Variants in SNX29 observed in about 807,000 individuals in gnomAD.
The protein encoded by SNX29 is sorting nexin-29.
Under a neutral mutation model 102.1 loss-of-function variants are expected in SNX29, and 78 were observed. The ratio of observed to expected loss-of-function variants is 0.76; its 90% CI spans 0.64 to 0.92. The LOEUF (loss-of-function observed/expected upper bound fraction) is 0.92, where lower values mean the gene tolerates loss of function less well. Among genes scored for constraint, SNX29 ranks in the 40% least tolerant of loss-of-function variants. The probability of loss-of-function intolerance (pLI) is 0.00; values close to 1 mark genes in which losing one functional copy is unlikely to be tolerated. For missense variants in SNX29, 1,280 were observed against 1,061.7 expected, an observed-to-expected ratio of 1.21 and a Z score of -2.86; for synonymous variants, 580 against 414.5, an observed-to-expected ratio of 1.40 and a Z score of -4.85.
chr16:12,261,675 C>T (rs9928214), intron 14 of SNX29, among the ~76,000 whole-genome samples: 33,396 of 72,960 alleles, frequency 0.46, 9,712 homozygotes, highest in Non-Finnish European at 0.52. Flanking sequence ...CACGTGTCCC[C>T]GGCTGGAGTG....
intron 15 of SNX29, among the ~76,000 whole-genome samples, chr16:12,283,982 A>G (rs936741363): frequency 6.6e-6 from 1 of 152,252 alleles, no homozygotes; most frequent in Non-Finnish European, 1.5e-5. Flanking sequence ...CCAGAACAGA[A>G]ACAACCAAGG....
At chr16:12,354,237 CAG>C (rs1418200169) in intron 15 of SNX29, among the ~76,000 whole-genome samples, 1 of 152,182 alleles carries the variant, frequency 6.6e-6, no homozygotes, top group East Asian at 1.9e-4. Flanking sequence ...TATAAAAACT[CAG>C]AGTTTCAGAG....
At chr16:12,087,427 G>A (rs1216205818) in intron 11 of SNX29, 1 of 194,518 alleles carries the variant, frequency 5.1e-6, no homozygotes, top group Non-Finnish European at 1.1e-5. Context: ...AAAATAAACA[G>A]ATTAATAAAG....
chr16:12,360,685 C>G (rs747739062), intron 16 of SNX29, among the ~76,000 whole-genome samples: 1 of 150,784 alleles, frequency 6.6e-6, no homozygotes, highest in Non-Finnish European at 1.5e-5. Flanking sequence ...ATAGTGCAGT[C>G]CCTGACTGAG....
chr16:12,399,934 G>C (rs2083875847), intron 17 of SNX29, among the ~76,000 whole-genome samples: 1 of 152,124 alleles, frequency 6.6e-6, no homozygotes, highest in Non-Finnish European at 1.5e-5. Context: ...ACAGAGGGGA[G>C]TCCCAGACAC....
chr16:12,116,519 CA>C (rs2053708788), intron 11 of SNX29, among the ~76,000 whole-genome samples: 1 of 152,084 alleles, frequency 6.6e-6, no homozygotes, highest in Admixed American at 6.6e-5. Flanking sequence ...TTAAAAAATA[CA>C]AAAATTAGCC....
intron 20 of SNX29, among the ~76,000 whole-genome samples, chr16:12,531,213 C>G (rs903296831): frequency 9.2e-5 from 14 of 152,108 alleles, no homozygotes; most frequent in Non-Finnish European, 7.4e-5. Flanking sequence ...GCAGGGAGCC[C>G]CAAGTCATCC....
chr16:12,432,059 A>G (rs757668243), intron 18 of SNX29, among the ~76,000 whole-genome samples: 3 of 152,242 alleles, frequency 2.0e-5, no homozygotes, highest in East Asian at 3.8e-4. Context: ...TTATTCAGCA[A>G]TGAGTGCTGG....
chr16:12,440,865 C>T (rs955588496), intron 18 of SNX29, among the ~76,000 whole-genome samples: 7 of 152,114 alleles, frequency 4.6e-5, no homozygotes, highest in Admixed American at 3.9e-4. Context: ...GTGGATTCCA[C>T]GTCTTTGCTA....
chr16:12,569,431 C>T lies in SNX29; in HGVS notation c.*802C>T, dbSNP rs757377127. ...AGTAACCCGGCGTCATCCAGCGTGT[C>T]CAAAGTAGCATTGGCCCTACAGTCA... On this transcript the variant is annotated 3_prime_UTR_variant, in exon 21 of 21. Coordinates refer to ENST00000566228, the MANE Select transcript of SNX29 (RefSeq NM_032167.5). The T allele has an allele frequency of 4.3e-6, 1 of 230,768 alleles. No homozygotes were observed. Among genetic ancestry groups the T allele is most frequent in the Non-Finnish European group, 8.6e-6 (1 of 116,616 alleles). 14.3% of individuals were successfully genotyped at this position (230,768 alleles called of 1,614,324 possible).
chr16:12,221,261 G>C (rs1380241514), intron 14 of SNX29, among the ~76,000 whole-genome samples: 2 of 152,106 alleles, frequency 1.3e-5, no homozygotes, highest in East Asian at 3.9e-4. Flanking sequence ...GAAAGCCGGG[G>C]GTCACTATCT....
intron 13 of SNX29, among the ~76,000 whole-genome samples, chr16:12,163,742 G>A (rs974391689): frequency 6.6e-6 from 1 of 152,224 alleles, no homozygotes; most frequent in African/African-American, 2.4e-5. Flanking sequence ...CAGGGCTGAG[G>A]ACTGTTCCCT....
At chr16:12,202,567 G>T (rs1293479277) in intron 14 of SNX29, among the ~76,000 whole-genome samples, 1 of 152,170 alleles carries the variant, frequency 6.6e-6, no homozygotes, top group Non-Finnish European at 1.5e-5. Context: ...CCACTTCGTT[G>T]TAACTCTTAC....
intron 20 of SNX29, among the ~76,000 whole-genome samples, chr16:12,539,272 A>C (rs567356944): frequency 6.6e-6 from 1 of 152,040 alleles, no homozygotes; most frequent in African/African-American, 2.4e-5. Context: ...TTTCCTTTCT[A>C]GCTGCACCCT....
chr16:12,182,189 G>GT (rs67550670), intron 13 of SNX29, among the ~76,000 whole-genome samples: 23,089 of 121,838 alleles, frequency 0.19, 2,095 homozygotes, highest in East Asian at 0.27. Context: ...GCCCGGCCTA[G>GT]TTTTTTTTTT....
intron 4 of SNX29, among the ~76,000 whole-genome samples, chr16:12,028,992 C>G (rs149282455): frequency 6.6e-6 from 1 of 152,282 alleles, no homozygotes; most frequent in African/African-American, 2.4e-5. Context: ...GTGATCTGCT[C>G]ACTTCGGCCT....
chr16:12,559,467 T>C (rs928177309), intron 20 of SNX29, among the ~76,000 whole-genome samples: 1 of 151,716 alleles, frequency 6.6e-6, no homozygotes, highest in Non-Finnish European at 1.5e-5. Context: ...TGGTGAGTTG[T>C]GTAATTTTTT....
intron 13 of SNX29, among the ~76,000 whole-genome samples, chr16:12,141,629 C>T (rs1302119382): frequency 6.6e-6 from 1 of 152,198 alleles, no homozygotes; most frequent in African/African-American, 2.4e-5. Context: ...ACGGTTCCTC[C>T]CACTTTTAGA....
chr16:12,567,587 G>C (rs767656297), intron 20 of SNX29, among the ~76,000 whole-genome samples: 9 of 152,022 alleles, frequency 5.9e-5, no homozygotes, highest in Admixed American at 2.6e-4. Flanking sequence ...CTGGACAAGA[G>C]CAAGACCCCA....
Sources: allele counts gnomAD v4.1 joint callset (sites outside exome capture counted in the v4.1 genomes callset), GRCh38; gene constraint gnomAD v4.1.1; transcripts MANE v1.5; gene names NCBI Gene and HGNC (gene_info 2026-07-23, HGNC 2026-07-21).